The following TAF4B variants were observed in gnomAD, a reference collection of about 807,000 sequenced individuals.
TAF4B encodes transcription initiation factor TFIID subunit 4B.
A neutral mutation model predicts 86.4 loss-of-function variants in TAF4B; 38 were observed. The ratio of observed to expected loss-of-function variants is 0.44; its 90% confidence interval spans 0.34 to 0.58. The LOEUF is 0.58. TAF4B is among the 20% of genes least tolerant of loss of function. The probability of loss-of-function intolerance (pLI) is 0.02; values close to 1 mark genes in which losing one functional copy is unlikely to be tolerated. For synonymous variants in TAF4B, 388 were observed against 391.2 expected (o/e 0.99, Z 0.10); for missense variants, 988 against 1,027.6 (o/e 0.96, Z 0.53).
At chr18:26,231,554 G>A (rs1274841913) in intron 1 of TAF4B, among the ~76,000 whole-genome samples, 3 of 151,722 alleles carry the variant, frequency 2.0e-5, no homozygotes, top group Non-Finnish European at 4.4e-5. Context: ...GTTTTGCTAA[G>A]TTGGCCAGGC....
chr18:26,319,700 C>A (rs933682017), intron 10 of TAF4B, among the ~76,000 whole-genome samples: 4 of 152,074 alleles, frequency 2.6e-5, no homozygotes, highest in Non-Finnish European at 5.9e-5. Flanking sequence ...AGTGATTCTC[C>A]TGTCTCAACC....
intron 1 of TAF4B, among the ~76,000 whole-genome samples, chr18:26,250,414 G>A (rs555192983): frequency 5.9e-5 from 9 of 151,694 alleles, no homozygotes; most frequent in South Asian, 2.1e-4. Flanking sequence ...GGAGAATAGC[G>A]TGAACCCGGG....
chr18:26,342,463 T>G (rs1172917681), intron 13 of TAF4B, among the ~76,000 whole-genome samples: 1 of 152,208 alleles, frequency 6.6e-6, no homozygotes, highest in Non-Finnish European at 1.5e-5. Flanking sequence ...ATCTTTTGGT[T>G]TCTGTTTTCA....
At chr18:26,385,890 C>G (rs965346598) in intron 14 of TAF4B, among the ~76,000 whole-genome samples, 6 of 152,052 alleles carry the variant, frequency 3.9e-5, no homozygotes, top group South Asian at 2.1e-4. Context: ...CTCTCTACCC[C>G]CTTGACTGTG....
rs768944697 is a variant in TAF4B at position 26,335,204 on chromosome 18, G to T, written c.2289G>T (p.Gln763His). The change falls in exon 13 of 15, where the codon CAG becomes CAT. Residue 763 changes from glutamine (Q) to histidine (H), a missense_variant. Gln to His is a conservative substitution (Grantham distance 24). Coordinates refer to ENST00000269142, the MANE Select transcript of TAF4B (RefSeq NM_005640.3). ...KSRSNKEDPE[Q>H]LRLKQKAKEL... ...GTTCTAATAAAGAAGATCCAGAACA[G>T]CTGAGATTAAAGCAGAAAGCCAAAG... 6.8e-6 allele frequency: 11 copies of T among 1,611,732 alleles called. No homozygotes were observed. Among genetic ancestry groups the T allele is most frequent in the African/African-American group, 1.3e-5 (1 of 74,852 alleles).
intron 6 of TAF4B, among the ~76,000 whole-genome samples, chr18:26,285,097 A>G (rs2056494241): frequency 6.6e-6 from 1 of 151,048 alleles, no homozygotes; most frequent in African/African-American, 2.4e-5. Flanking sequence ...CCCCTGCGGT[A>G]GCTGGGACTA....
chr18:26,343,631 G>C (rs1312501181), intron 13 of TAF4B, among the ~76,000 whole-genome samples: 1 of 152,196 alleles, frequency 6.6e-6, no homozygotes, highest in Non-Finnish European at 1.5e-5. Flanking sequence ...TCATAATACA[G>C]TTGACATAGG....
intron 14 of TAF4B, among the ~76,000 whole-genome samples, chr18:26,359,004 C>A (rs1006876201): frequency 5.9e-5 from 9 of 152,194 alleles, no homozygotes; most frequent in African/African-American, 2.2e-4. Context: ...CTCCCCCTCT[C>A]CTGCCCAACC....
chr18:26,359,018 TG>T (rs1485293599), intron 14 of TAF4B, among the ~76,000 whole-genome samples: 1 of 152,318 alleles, frequency 6.6e-6, no homozygotes, highest in African/African-American at 2.4e-5. Context: ...CCCAACCAGA[TG>T]TAACCACTGT....
At chr18:26,379,978 G>A (rs528311528) in intron 14 of TAF4B, among the ~76,000 whole-genome samples, 1 of 152,206 alleles carries the variant, frequency 6.6e-6, no homozygotes, top group Admixed American at 6.5e-5. Context: ...ACATATCAAA[G>A]TAAAGTTGAT....
At chr18:26,380,562 C>T (rs1027908549) in intron 14 of TAF4B, among the ~76,000 whole-genome samples, 1 of 152,122 alleles carries the variant, frequency 6.6e-6, no homozygotes, top group Non-Finnish European at 1.5e-5. Flanking sequence ...TCGTGAATTG[C>T]CTCCTTCTGT....
At chr18:26,334,910 G>A (rs1439191143) in intron 12 of TAF4B, among the ~76,000 whole-genome samples, 2 of 151,906 alleles carry the variant, frequency 1.3e-5, no homozygotes, top group African/African-American at 4.8e-5. Flanking sequence ...CAAGAACAAC[G>A]TCATGCCTCA....
At chr18:26,347,340 A>G (rs556558320) in intron 13 of TAF4B, among the ~76,000 whole-genome samples, 15 of 152,306 alleles carry the variant, frequency 9.8e-5, no homozygotes, top group African/African-American at 3.6e-4. Context: ...GAGATACTCA[A>G]GGGAGTTTTA....
intron 9 of TAF4B, among the ~76,000 whole-genome samples, chr18:26,309,048 G>T (rs1334729490): frequency 6.6e-6 from 1 of 151,896 alleles, no homozygotes; most frequent in African/African-American, 2.4e-5. Context: ...GGTTCCTGGA[G>T]CTGATCTAAT....
At chr18:26,304,908 G>A (rs968253908) in intron 9 of TAF4B, 14 of 983,858 alleles carry the variant, frequency 1.4e-5, no homozygotes, top group Admixed American at 6.2e-5. Context: ...TATTACTTTC[G>A]CCCATTTATC....
intron 9 of TAF4B, among the ~76,000 whole-genome samples, chr18:26,297,245 G>A (rs959225804): frequency 2.6e-5 from 4 of 151,994 alleles, no homozygotes; most frequent in South Asian, 2.1e-4. Context: ...TGGTATGTCC[G>A]AAGAACAAAG....
At chr18:26,321,879 T>C (rs1026931328) in intron 11 of TAF4B, among the ~76,000 whole-genome samples, 7 of 152,244 alleles carry the variant, frequency 4.6e-5, no homozygotes, top group African/African-American at 1.7e-4. Context: ...AGTGCTCATA[T>C]TGATGCTACT....
At chr18:26,303,697 C>G (rs2056766219) in intron 9 of TAF4B, among the ~76,000 whole-genome samples, 3 of 113,452 alleles carry the variant, frequency 2.6e-5, no homozygotes, top group Non-Finnish European at 5.1e-5. Context: ...ACTCCCTCCA[C>G]TTTCATACTC....
chr18:26,316,289 A>T (rs1421658799), intron 10 of TAF4B, among the ~76,000 whole-genome samples: 1 of 152,158 alleles, frequency 6.6e-6, no homozygotes, highest in Non-Finnish European at 1.5e-5. Flanking sequence ...TACAAAGTTC[A>T]TTATTATTAC....
Sources: gnomAD v4.1 joint callset for allele counts (sites outside exome capture counted in the v4.1 genomes callset) on GRCh38, gnomAD v4.1.1 for gene constraint, MANE v1.5 for transcripts, NCBI Gene and HGNC (gene_info 2026-07-23, HGNC 2026-07-21) for gene names.